The following SLC44A5 variants were observed in gnomAD, a reference collection of about 807,000 sequenced individuals.
SLC44A5 encodes the protein choline transporter-like protein 5.
A neutral mutation model predicts 101.8 loss-of-function variants in SLC44A5; 57 were observed. The observed-to-expected ratio is 0.56, with a 90% CI of 0.45 to 0.70. SLC44A5 has a LOEUF of 0.70. Ranked by LOEUF, SLC44A5 falls within the 30% of genes least tolerant of loss-of-function variation. The probability of loss-of-function intolerance (pLI) is 0.00; values close to 1 mark genes in which losing one functional copy is unlikely to be tolerated. For synonymous variants in SLC44A5, 281 were observed against 290.9 expected (o/e 0.97, Z 0.35); for missense variants, 737 against 853.1 (o/e 0.86, Z 1.70).
chr1:75,227,981 CAT>C, intron 12 of SLC44A5, 124 bp from the exon 13 acceptor site: 2 of 641,554 alleles, frequency 3.1e-6, no homozygotes, highest in Non-Finnish European at 2.5e-6. Flanking sequence ...AGGCAAGACA[CAT>C]ATTTACACAG....
In SLC44A5 at chr1:75,215,814, T is replaced by C. The variant is rs777283687; in HGVS notation, c.1668A>G (p.Arg556=). The C allele has an allele frequency of 1.2e-6, 2 of 1,609,254 alleles. No individual in the cohort carries two copies. Among genetic ancestry groups the C allele is most frequent in the Non-Finnish European group, 1.7e-6 (2 of 1,176,058 alleles). The change falls in exon 19 of 24, where the codon AGA becomes AGG. Residue 556 remains arginine (R), a synonymous_variant. Transcript: ENST00000370859. ...CATTTTCCAAACACCAGAAGCAGCATCTCAGGCAGCATTGTAGGAATTTAG... is the reference window on the plus strand; with the variant it reads ...CATTTTCCAAACACCAGAAGCAGCACCTCAGGCAGCATTGTAGGAATTTAG... ...TLSKFLQCCL[R]CCFWCLENAI... is the part of the protein sequence containing the mutation.
chr1:75,567,289 G>GA (rs1200305514), intron 1 of SLC44A5, among the ~76,000 whole-genome samples: 3 of 152,154 alleles, frequency 2.0e-5, no homozygotes, highest in Non-Finnish European at 4.4e-5. Flanking sequence ...GACAACCTCA[G>GA]AATTCACCCA....
At chr1:75,249,220 A>C (rs1649364644) in intron 7 of SLC44A5, among the ~76,000 whole-genome samples, 1 of 152,100 alleles carries the variant, frequency 6.6e-6, no homozygotes, top group African/African-American at 2.4e-5. Flanking sequence ...AAGCAAAAAA[A>C]TAAAGCAGAT....
chr1:75,288,025 G>A (rs982485124), intron 5 of SLC44A5, among the ~76,000 whole-genome samples: 1 of 152,128 alleles, frequency 6.6e-6, no homozygotes, highest in Admixed American at 6.5e-5. Flanking sequence ...GGAGCTGGAT[G>A]GGGCCATGGA....
intron 2 of SLC44A5, among the ~76,000 whole-genome samples, chr1:75,411,903 C>G (rs1663305206): frequency 6.6e-6 from 1 of 152,062 alleles, no homozygotes; most frequent in African/African-American, 2.4e-5. Context: ...ACTGTTAGTT[C>G]AGTGTAGCCC....
Position 75,409,151 on chromosome 1 carries a change from G to T in SLC44A5, c.14-12530C>A, listed in dbSNP as rs140853883. 2.4e-4 allele frequency among the ~76,000 whole-genome samples: 37 copies of T among 152,250 alleles called. No individual in the cohort carries two copies. In the East Asian group the frequency reaches 7.0e-3, roughly 29 times the overall value. On this transcript the variant is annotated intron_variant, in intron 2 of 23. Coordinates refer to ENST00000370859, the MANE Select transcript of SLC44A5 (RefSeq NM_001130058.2). Reference sequence around the variant, plus strand: ...AACAATGAGTCCACATGGACATAAAGATGGGAACAATAGACACTGGAGACT... The same window carrying T: ...AACAATGAGTCCACATGGACATAAATATGGGAACAATAGACACTGGAGACT...
At chr1:75,470,564 A>C (rs1307798035) in intron 2 of SLC44A5, among the ~76,000 whole-genome samples, 3 of 152,200 alleles carry the variant, frequency 2.0e-5, no homozygotes, top group Non-Finnish European at 4.4e-5. Context: ...GGAAGCACGC[A>C]GGAGGGGCCA....
intron 6 of SLC44A5, among the ~76,000 whole-genome samples, chr1:75,253,677 G>T (rs1420602023): frequency 2.0e-5 from 3 of 152,184 alleles, no homozygotes; most frequent in African/African-American, 4.8e-5. Flanking sequence ...GGTCCCTTGG[G>T]AGTATTTAAA....
chr1:75,663,349 C>A, the SLC44A5 span, among the ~76,000 whole-genome samples: 1 of 152,116 alleles, frequency 6.6e-6, no homozygotes, highest in Non-Finnish European at 1.5e-5. Flanking sequence ...CAAGTCACTG[C>A]CTGAAACACA....
chr1:75,351,971 T>TA (rs1353370919), intron 3 of SLC44A5, among the ~76,000 whole-genome samples: 4 of 151,684 alleles, frequency 2.6e-5, no homozygotes, highest in East Asian at 3.9e-4. Flanking sequence ...CTAGAATATG[T>TA]AAAAAATCCC....
At chr1:75,570,967 G>A (rs930199243) in intron 1 of SLC44A5, among the ~76,000 whole-genome samples, 1 of 152,118 alleles carries the variant, frequency 6.6e-6, no homozygotes, top group African/African-American at 2.4e-5. Flanking sequence ...CCCGTACCCA[G>A]AGCCCCCAGT....
At chr1:75,483,884 G>A (rs751207668) in intron 2 of SLC44A5, among the ~76,000 whole-genome samples, 2 of 152,080 alleles carry the variant, frequency 1.3e-5, no homozygotes, top group Non-Finnish European at 2.9e-5. Context: ...CATCTTACAT[G>A]GTGGCAGGAG....
chr1:75,428,316 T>C (rs1664426372), intron 2 of SLC44A5, among the ~76,000 whole-genome samples: 1 of 152,216 alleles, frequency 6.6e-6, no homozygotes, highest in South Asian at 2.1e-4. Context: ...TAGAGTGGGA[T>C]AATACCAGTA....
chr1:75,482,123 A>G (rs920875922), intron 2 of SLC44A5, among the ~76,000 whole-genome samples: 1 of 152,148 alleles, frequency 6.6e-6, no homozygotes, highest in African/African-American at 2.4e-5. Flanking sequence ...CTTTCTAGGG[A>G]CATGGATGAA....
chr1:75,308,750 A>C, intron 4 of SLC44A5, among the ~76,000 whole-genome samples: 1 of 152,340 alleles, frequency 6.6e-6, no homozygotes, highest in Non-Finnish European at 1.5e-5. Flanking sequence ...TTTTGGAATA[A>C]GTTAGAATCT....
the SLC44A5 span, among the ~76,000 whole-genome samples, chr1:75,702,547 A>G: frequency 6.6e-6 from 1 of 152,224 alleles, no homozygotes; most frequent in African/African-American, 2.4e-5. Context: ...ACCTAAAACC[A>G]TAAAAACCCT....
intron 23 of SLC44A5, chr1:75,206,491 C>T: frequency 1.4e-6 from 1 of 706,842 alleles, no homozygotes; most frequent in African/African-American, 1.8e-5. Flanking sequence ...CAGGTGCTGA[C>T]TTCTTAGAAT....
chr1:75,295,122 T>C (rs1010097545), intron 5 of SLC44A5, among the ~76,000 whole-genome samples: 1 of 152,202 alleles, frequency 6.6e-6, no homozygotes, highest in Non-Finnish European at 1.5e-5. Flanking sequence ...GATATACATA[T>C]ACTAAAATAC....
chr1:75,383,995 C>T (rs376890644), intron 3 of SLC44A5, among the ~76,000 whole-genome samples: 13,842 of 150,758 alleles, frequency 0.092, 861 homozygotes, highest in Admixed American at 0.19. Context: ...ACTTTACAGA[C>T]AAGCAAATGC....
Sources: gnomAD v4.1 joint callset for allele counts (sites outside exome capture counted in the v4.1 genomes callset) on GRCh38, gnomAD v4.1.1 for gene constraint, MANE v1.5 for transcripts, NCBI Gene and HGNC (gene_info 2026-07-23, HGNC 2026-07-21) for gene names.